Variants in EYA1 observed in about 807,000 individuals in gnomAD.
EYA1 encodes the protein protein phosphatase EYA1.
A neutral mutation model predicts 82.0 loss-of-function variants in EYA1; 16 were observed. The ratio of observed to expected loss-of-function variants is 0.20; its 90% CI spans 0.13 to 0.30. EYA1 has a LOEUF of 0.30. Among genes scored for constraint, EYA1 ranks in the 10% least tolerant of loss-of-function variants. The probability of loss-of-function intolerance (pLI) is 1.00; values close to 1 mark genes in which losing one functional copy is unlikely to be tolerated. For synonymous variants in EYA1, 261 were observed against 264.4 expected, an observed-to-expected ratio of 0.99 and a Z score of 0.12; for missense variants, 633 against 730.7, an observed-to-expected ratio of 0.87 and a Z score of 1.54.
chr8:71,535,098 A>C (rs1191174953), intron 2 of EYA1, among the ~76,000 whole-genome samples: 1 of 152,140 alleles, frequency 6.6e-6, no homozygotes, highest in Non-Finnish European at 1.5e-5. Context: ...AAATTCATTG[A>C]ATTATTCAAG....
chr8:71,327,708 T>C lies in EYA1; in HGVS notation c.203-5440A>G, dbSNP rs73292175. ...GGAAGAGTGAGAGTGAGTCACTATG[T>C]CCTCAAGGCTTGCAGGTGCTAGGGC... On this transcript the variant is annotated intron_variant, in intron 4 of 17. Transcript: ENST00000340726. 8.4e-3 allele frequency among the ~76,000 whole-genome samples: 1,283 copies of C among 152,208 alleles called. 28 individuals carry two copies. Among genetic ancestry groups the C allele is most frequent in the African/African-American group, 0.029 (1,201 of 41,532 alleles).
rs992684209 is a variant in EYA1, at chr8:71,306,999, G to C, written c.557-7279C>G. Among the ~76,000 whole-genome samples, 5 of 152,178 alleles carry C rather than the reference G, an allele frequency of 3.3e-5. No homozygotes were observed. In the South Asian group the frequency reaches 6.2e-4, roughly 19 times the overall value. On this transcript the variant is annotated intron_variant, in intron 7 of 17. Coordinates refer to ENST00000340726, the MANE Select transcript of EYA1 (RefSeq NM_000503.6). Reference sequence around the variant, plus strand: ...GGGAGCCAGAACTGTACTGTTGCTTGATAATTTCAATCCATGTGGTAAGTG... The same window carrying C: ...GGGAGCCAGAACTGTACTGTTGCTTCATAATTTCAATCCATGTGGTAAGTG...
At chr8:71,392,404 G>A (rs1161368277) in intron 2 of EYA1, among the ~76,000 whole-genome samples, 1 of 152,136 alleles carries the variant, frequency 6.6e-6, no homozygotes, top group African/African-American at 2.4e-5. Context: ...TGACAGGAAA[G>A]AGGGGGAAAA....
chr8:71,476,005 A>G (rs946362069), intron 2 of EYA1, among the ~76,000 whole-genome samples: 16 of 152,196 alleles, frequency 1.1e-4, no homozygotes, highest in Non-Finnish European at 1.8e-4. Context: ...GCATCAAATT[A>G]TCTTCGTCTT....
intron 2 of EYA1, among the ~76,000 whole-genome samples, chr8:71,512,561 G>A (rs1260437367): frequency 1.3e-5 from 2 of 151,364 alleles, no homozygotes; most frequent in African/African-American, 2.4e-5. Context: ...AAATGGTCAG[G>A]GACACCAAAC....
intron 12 of EYA1, among the ~76,000 whole-genome samples, chr8:71,236,226 G>A (rs186413216): frequency 2.6e-5 from 4 of 152,162 alleles, no homozygotes; most frequent in African/African-American, 9.6e-5. Flanking sequence ...AGTAGAGATG[G>A]GGTTTCACCG....
At chr8:71,491,341 A>G (rs1810984499) in intron 2 of EYA1, among the ~76,000 whole-genome samples, 2 of 152,132 alleles carry the variant, frequency 1.3e-5, no homozygotes, top group South Asian at 4.2e-4. Context: ...GGAAACAGGA[A>G]CTCCTCATTC....
chr8:71,254,906 T>G (rs1814221518), intron 11 of EYA1, among the ~76,000 whole-genome samples: 1 of 128,016 alleles, frequency 7.8e-6, no homozygotes, highest in Admixed American at 9.7e-5. Context: ...AGTTGCAGGA[T>G]GAAAAAACAA....
chr8:71,450,091 ACT>A, intron 2 of EYA1, among the ~76,000 whole-genome samples: 1 of 151,930 alleles, frequency 6.6e-6, no homozygotes. Flanking sequence ...GACCACTACA[ACT>A]CTCTCCATAT....
chr8:71,426,195 T>C (rs939988416), intron 2 of EYA1, among the ~76,000 whole-genome samples: 3 of 152,166 alleles, frequency 2.0e-5, no homozygotes, highest in African/African-American at 7.2e-5. Context: ...CAGCTCTTAA[T>C]AACATGATTT....
intron 2 of EYA1, among the ~76,000 whole-genome samples, chr8:71,490,854 C>G (rs991511223): frequency 7.2e-5 from 11 of 152,164 alleles, no homozygotes; most frequent in Non-Finnish European, 1.5e-4. Flanking sequence ...GGAACTGATT[C>G]AAATGCTATA....
In EYA1 at chr8:71,211,223, C is replaced by T. The variant is rs756517701; in HGVS notation, c.1631G>A (p.Arg544Lys). The part of the protein sequence containing the change: ...KESCFERIIQ[R>K]FGRKVVYVVI... ...AACATACACCACTTTTCTTCCAAAC[C>T]TTTGAATTATTCTCTCAAAACAGCT... Residue 544 changes from arginine to lysine, a missense_variant, in exon 17 of 18, where the codon AGG (arginine) becomes AAG (lysine). By Grantham distance (26) the Arg-to-Lys change is conservative (BLOSUM62 2). Transcript: ENST00000340726. 2 of 1,613,228 alleles carry T rather than the reference C, an allele frequency of 1.2e-6. No homozygotes were observed. The highest frequency in any genetic ancestry group is 1.7e-6 in the Non-Finnish European group (2 of 1,179,354).
intron 2 of EYA1, among the ~76,000 whole-genome samples, chr8:71,393,392 C>A (rs1829391411): frequency 6.6e-6 from 1 of 151,970 alleles, no homozygotes; most frequent in South Asian, 2.1e-4. Flanking sequence ...GTGTGCTGCA[C>A]CCGTTAACTC....
chr8:71,400,556 T>A (rs1286321287), intron 2 of EYA1, among the ~76,000 whole-genome samples: 5 of 152,138 alleles, frequency 3.3e-5, no homozygotes, highest in Non-Finnish European at 7.4e-5. Flanking sequence ...CACTGATCAT[T>A]TAAGAAATGC....
At chr8:71,355,393 T>C (rs1251149469) in intron 2 of EYA1, among the ~76,000 whole-genome samples, 1 of 152,194 alleles carries the variant, frequency 6.6e-6, no homozygotes, top group Non-Finnish European at 1.5e-5. Context: ...TACCACCCAG[T>C]TGTAATTTAA....
chr8:71,234,767 A>G (rs1811630299), intron 12 of EYA1, among the ~76,000 whole-genome samples: 1 of 151,870 alleles, frequency 6.6e-6, no homozygotes, highest in Admixed American at 6.6e-5. Context: ...GGGACTCCCA[A>G]AACTATACCT....
At chr8:71,510,369 G>C (rs1474354307) in intron 2 of EYA1, among the ~76,000 whole-genome samples, 3 of 152,102 alleles carry the variant, frequency 2.0e-5, no homozygotes, top group African/African-American at 7.2e-5. Flanking sequence ...CTGAGATTTT[G>C]AGTTTTTTAT....
rs1376344110 is a variant in EYA1, at chr8:71,271,739, G to A, written c.966+19C>T. The stretch of plus-strand genomic sequence containing the variant: ...ATTAAGACACCTTTCTATTCACTTG[G>A]GTGTTGGCTATGACGTACCTCAAGA... On this transcript the variant is annotated intron_variant, in intron 10 of 17. Coordinates refer to ENST00000340726, the MANE Select transcript of EYA1 (RefSeq NM_000503.6). 5 of 1,614,004 alleles carry A rather than the reference G, an allele frequency of 3.1e-6. No homozygotes were observed. Among genetic ancestry groups the A allele is most frequent in the Non-Finnish European group, 3.4e-6 (4 of 1,180,004 alleles).
intron 2 of EYA1, among the ~76,000 whole-genome samples, chr8:71,390,666 T>C (rs1829226596): frequency 6.6e-6 from 1 of 152,216 alleles, no homozygotes; most frequent in Admixed American, 6.5e-5. Context: ...CTATAGGAAT[T>C]ATTCTTTCTC....
Sources: allele counts gnomAD v4.1 joint callset (sites outside exome capture counted in the v4.1 genomes callset), GRCh38; gene constraint gnomAD v4.1.1; transcripts MANE v1.5; gene names NCBI Gene and HGNC (gene_info 2026-07-23, HGNC 2026-07-21).